CCDC7: variants seen among roughly 807,000 people sequenced by gnomAD.
CCDC7 encodes coiled-coil domain-containing protein 7.
In CCDC7, 183 loss-of-function variants were observed where a neutral mutation model predicts 196.9. The ratio of observed to expected loss-of-function variants is 0.93; its 90% CI spans 0.82 to 1.05. The LOEUF (loss-of-function observed/expected upper bound fraction) is 1.05. Ranked by LOEUF, CCDC7 falls within the 50% of genes least tolerant of loss-of-function variation. The pLI, the probability that CCDC7 is intolerant of heterozygous loss-of-function variation, is 0.00. For missense variants in CCDC7, 1,540 were observed against 1,482.2 expected, an observed-to-expected ratio of 1.04 and a Z score of -0.64; for synonymous variants, 525 against 484.6, an observed-to-expected ratio of 1.08 and a Z score of -1.10.
intron 29 of CCDC7, among the ~76,000 whole-genome samples, chr10:32,786,614 A>T (rs917821306): frequency 6.6e-6 from 1 of 152,170 alleles, no homozygotes; most frequent in African/African-American, 2.4e-5. Flanking sequence ...TACAAAAATT[A>T]GCCGGGCATG....
chr10:32,709,090 G>T (rs1265236902), intron 24 of CCDC7, among the ~76,000 whole-genome samples: 3 of 152,140 alleles, frequency 2.0e-5, no homozygotes, highest in Admixed American at 2.0e-4. Context: ...CTCAGTGATA[G>T]ACTGGATTAA....
intron 21 of CCDC7, among the ~76,000 whole-genome samples, chr10:32,668,425 A>C (rs2140609594): frequency 6.6e-6 from 1 of 152,268 alleles, no homozygotes; most frequent in East Asian, 1.9e-4. Flanking sequence ...GAGTGGTGAG[A>C]GAGGGCATCC....
At chr10:32,741,212 A>T (rs909064727) in intron 28 of CCDC7, among the ~76,000 whole-genome samples, 1 of 152,186 alleles carries the variant, frequency 6.6e-6, no homozygotes, top group Non-Finnish European at 1.5e-5. Context: ...CAACTTACAG[A>T]ATGGCTTTAC....
intron 29 of CCDC7, among the ~76,000 whole-genome samples, chr10:32,788,231 C>T (rs2082157466): frequency 6.6e-6 from 1 of 151,972 alleles, no homozygotes; most frequent in Non-Finnish European, 1.5e-5. Context: ...ACTCAGGCTT[C>T]ACATGTACCT....
chr10:32,815,913 G>A (rs564458472), intron 31 of CCDC7, among the ~76,000 whole-genome samples: 1 of 152,204 alleles, frequency 6.6e-6, no homozygotes, highest in Non-Finnish European at 1.5e-5. Context: ...ACAGCTCCCA[G>A]TGTGAGCAAC....
At chr10:32,626,455 T>C (rs1175687259) in intron 18 of CCDC7, among the ~76,000 whole-genome samples, 3 of 152,036 alleles carry the variant, frequency 2.0e-5, no homozygotes, top group African/African-American at 7.2e-5. Context: ...ATATATTTTA[T>C]GTATTAAATC....
intron 30 of CCDC7, among the ~76,000 whole-genome samples, chr10:32,809,443 A>G (rs1046802580): frequency 6.6e-6 from 1 of 152,184 alleles, no homozygotes; most frequent in African/African-American, 2.4e-5. Flanking sequence ...AACAAAAAAT[A>G]CATTCAGTGG....
intron 16 of CCDC7, among the ~76,000 whole-genome samples, chr10:32,580,006 T>A (rs527559404): frequency 2.0e-5 from 3 of 151,952 alleles, no homozygotes; most frequent in African/African-American, 7.2e-5. Context: ...GCAGAGCACA[T>A]TGCAATATTG....
At position 32,824,661 on chromosome 10, in the gene CCDC7, A is replaced by C. The variant is rs865996585; in HGVS notation, c.3268+57A>C. The stretch of plus-strand genomic sequence containing the variant: ...GGTTTCCTATCTTCTCTGGAGTTTA[A>C]GTATGTATCTCTAATGACAACAGTA... On this transcript the variant is annotated intron_variant, in intron 32 of 41. Transcript: ENST00000639629. 6.2e-5 allele frequency: 72 copies of C among 1,160,044 alleles called. No individual in the cohort carries two copies. In the African/African-American group the frequency reaches 8.3e-4, roughly 13 times the overall value. The allele number at this position is 1,160,044 out of a possible 1,614,324, so 71.9% of individuals were successfully genotyped here.
At chr10:32,668,530 T>G (rs1234627319) in intron 21 of CCDC7, among the ~76,000 whole-genome samples, 2 of 152,186 alleles carry the variant, frequency 1.3e-5, no homozygotes, top group Non-Finnish European at 2.9e-5. Flanking sequence ...TCTTATTATT[T>G]TGAGATATGT....
upstream of CCDC7, among the ~76,000 whole-genome samples, chr10:32,449,929 A>G (rs189569145): frequency 1.1e-4 from 17 of 152,254 alleles, no homozygotes; most frequent in Admixed American, 1.0e-3. Flanking sequence ...TCAGACACCA[A>G]CTCTGCTGGT....
chr10:32,730,721 G>A (rs2132757170), intron 28 of CCDC7, among the ~76,000 whole-genome samples: 1 of 148,020 alleles, frequency 6.8e-6, no homozygotes, highest in East Asian at 2.0e-4. Context: ...TGAATCTGGA[G>A]GTTCCACCAT....
At chr10:32,789,397 A>C (rs986014) in intron 29 of CCDC7, among the ~76,000 whole-genome samples, 21,973 of 152,072 alleles carry the variant, frequency 0.14, 1,958 homozygotes, top group African/African-American at 0.25. Context: ...GAAATCATAC[A>C]AAAGAACCAG....
intron 8 of CCDC7, among the ~76,000 whole-genome samples, chr10:32,485,468 G>T (rs2040863116): frequency 6.6e-6 from 1 of 152,086 alleles, no homozygotes; most frequent in Admixed American, 6.6e-5. Context: ...TTGAATTTTT[G>T]AAGGGTTTTT....
At chr10:32,464,664 C>T (rs2036376243) in intron 5 of CCDC7, among the ~76,000 whole-genome samples, 1 of 152,094 alleles carries the variant, frequency 6.6e-6, no homozygotes, top group Non-Finnish European at 1.5e-5. Context: ...CATGAGCCAC[C>T]ATGCCTGGCT....
chr10:32,861,360 G>C (rs1440284247), intron 41 of CCDC7, among the ~76,000 whole-genome samples: 1 of 152,092 alleles, frequency 6.6e-6, no homozygotes, highest in Non-Finnish European at 1.5e-5. Context: ...GGGAAAACTG[G>C]CTAGTCATAT....
intron 37 of CCDC7, among the ~76,000 whole-genome samples, chr10:32,847,621 C>T (rs904855286): frequency 6.0e-5 from 9 of 150,572 alleles, no homozygotes; most frequent in Non-Finnish European, 1.0e-4. Flanking sequence ...GAGGCCAAGG[C>T]GGGGGACCAC....
At chr10:32,689,750 T>C (rs1051510356) in intron 23 of CCDC7, among the ~76,000 whole-genome samples, 6 of 152,004 alleles carry the variant, frequency 3.9e-5, no homozygotes, top group African/African-American at 1.4e-4. Flanking sequence ...GTGTTTTTTT[T>C]TTGAGACACG....
intron 39 of CCDC7, among the ~76,000 whole-genome samples, chr10:32,850,183 G>T (rs2093494065): frequency 6.6e-6 from 1 of 152,120 alleles, no homozygotes; most frequent in Non-Finnish European, 1.5e-5. Flanking sequence ...CTCCAAATTT[G>T]CAGATTTCCT....
Sources: gnomAD v4.1 joint callset for allele counts (sites outside exome capture counted in the v4.1 genomes callset) on GRCh38, gnomAD v4.1.1 for gene constraint, MANE v1.5 for transcripts, NCBI Gene and HGNC (gene_info 2026-07-23, HGNC 2026-07-21) for gene names.